HPD: variants seen among roughly 807,000 people sequenced by gnomAD.
HPD encodes the protein 4-hydroxyphenylpyruvate dioxygenase.
Under a neutral mutation model 56.9 loss-of-function variants are expected in HPD, and 35 were observed. The observed-to-expected ratio is 0.62, with a 90% CI of 0.47 to 0.82. The LOEUF (loss-of-function observed/expected upper bound fraction) is 0.82, where lower values mean the gene tolerates loss of function less well. Ranked by LOEUF, HPD falls within the 40% of genes least tolerant of loss-of-function variation. HPD has a pLI of 0.00. For synonymous variants in HPD, 186 were observed against 200.2 expected (o/e 0.93, Z 0.60); for missense variants, 442 against 506.8 (o/e 0.87, Z 1.23).
At chr12:121,852,332 A>G (rs1357567404) in intron 7 of HPD, among the ~76,000 whole-genome samples, 2 of 150,738 alleles carry the variant, frequency 1.3e-5, no homozygotes, top group Non-Finnish European at 3.0e-5. Context: ...TTTATTTTTT[A>G]TTTGTATTTT....
At chr12:121,884,443 G>A in the HPD span, among the ~76,000 whole-genome samples, 1 of 151,958 alleles carries the variant, frequency 6.6e-6, no homozygotes, top group Non-Finnish European at 1.5e-5. Flanking sequence ...GATTACGGGC[G>A]TGAACCATCA....
At chr12:121,884,324 G>A in the HPD span, among the ~76,000 whole-genome samples, 3 of 151,914 alleles carry the variant, frequency 2.0e-5, no homozygotes, top group East Asian at 3.9e-4. Context: ...CGCTGTGCCC[G>A]GCTGATTTTT....
At chr12:121,846,517 C>G (rs1877588877) in intron 11 of HPD, among the ~76,000 whole-genome samples, 1 of 152,122 alleles carries the variant, frequency 6.6e-6, no homozygotes, top group Admixed American at 6.6e-5. Flanking sequence ...GTGCCCGGCC[C>G]TAATTTCCTG....
the HPD span, among the ~76,000 whole-genome samples, chr12:121,872,109 G>A: frequency 6.7e-6 from 1 of 150,162 alleles, no homozygotes; most frequent in Non-Finnish European, 1.5e-5. Context: ...GCGTGGTGGT[G>A]GGCACCTGTA....
chr12:121,856,860 A>G, intron 4 of HPD: 1 of 586,390 alleles, frequency 1.7e-6, no homozygotes, highest in Non-Finnish European at 3.0e-6. Flanking sequence ...TCCCTCGGGG[A>G]GAGAACTCCA....
chr12:121,865,094 C>G (rs997910140), upstream of HPD, among the ~76,000 whole-genome samples: 2 of 151,922 alleles, frequency 1.3e-5, no homozygotes, highest in Non-Finnish European at 2.9e-5. Flanking sequence ...ATGGTGAAAC[C>G]CCGTCTCTAC....
At chr12:121,886,318 C>T in the HPD span, among the ~76,000 whole-genome samples, 1 of 151,360 alleles carries the variant, frequency 6.6e-6, no homozygotes, top group African/African-American at 2.4e-5. Context: ...CCGTGTTAGC[C>T]AGGATGGTCT....
At chr12:121,862,596 CTTTTTTTT>C (rs146807602), upstream of HPD, among the ~76,000 whole-genome samples, 2 of 43,068 alleles carry the variant, frequency 4.6e-5, no homozygotes, top group African/African-American at 2.8e-4. Flanking sequence ...CGCTCTCGGC[CTTTTTTTT>C]TTTTTTTTTT....
chr12:121,845,207 C>T (rs1480133969), intron 11 of HPD, among the ~76,000 whole-genome samples: 1 of 149,802 alleles, frequency 6.7e-6, no homozygotes, highest in Non-Finnish European at 1.5e-5. Context: ...TCAACCTCCC[C>T]AGGCTCAGCT....
intron 9 of HPD, among the ~76,000 whole-genome samples, chr12:121,847,501 G>T (rs541428138): frequency 1.3e-5 from 2 of 152,090 alleles, no homozygotes; most frequent in South Asian, 4.1e-4. Context: ...TGGGACTACA[G>T]GCATGTGCTA....
chr12:121,865,255 G>A (rs373088210), upstream of HPD, among the ~76,000 whole-genome samples: 105 of 116,114 alleles, frequency 9.0e-4, 1 homozygote, highest in African/African-American at 3.6e-3. Flanking sequence ...GCGACACAGC[G>A]ACACTCTCTT....
the HPD span, among the ~76,000 whole-genome samples, chr12:121,873,777 G>A: frequency 3.3e-5 from 5 of 149,288 alleles, no homozygotes; most frequent in African/African-American, 9.9e-5. Flanking sequence ...CCGAGATCGC[G>A]CCACTGCACT....
chr12:121,874,765 CT>C, the HPD span, among the ~76,000 whole-genome samples: 66,919 of 146,154 alleles, frequency 0.46, 15,380 homozygotes, highest in African/African-American at 0.54. Context: ...TTGTCACTTT[CT>C]TTTTTTTTTT....
At chr12:121,879,777 C>G in the HPD span, among the ~76,000 whole-genome samples, 1 of 152,142 alleles carries the variant, frequency 6.6e-6, no homozygotes, top group Non-Finnish European at 1.5e-5. Flanking sequence ...TTTACATATA[C>G]TTTGTAAACA....
chr12:121,856,398 C>T lies in HPD; in HGVS notation c.250G>A (p.Asp84Asn), dbSNP rs760347092. Reference protein sequence around the residue: ...ALNPWNKEMGDHLVKHGDGVK... With the variant: ...ALNPWNKEMGNHLVKHGDGVK... ...CCGTCACCGTGTTTCACCAGGTGAT[C>T]GCCCATCTCTGTGGCCGGCAGGGAG... Residue 84 changes from aspartate (D) to asparagine (N), a missense_variant, in exon 6 of 14, where the codon GAT (aspartate) becomes AAT (asparagine). Coordinates refer to ENST00000289004, the MANE Select transcript of HPD (RefSeq NM_002150.3). 3.1e-6 allele frequency: 5 copies of T among 1,613,894 alleles called. No individual in the cohort carries two copies. The highest frequency in any genetic ancestry group is 2.2e-5 in the East Asian group (1 of 44,890).
intron 6 of HPD, among the ~76,000 whole-genome samples, chr12:121,855,842 T>C (rs11613865): frequency 0.5 from 76,234 of 151,462 alleles, 19,493 homozygotes; most frequent in East Asian, 0.79. Flanking sequence ...TGGTGGCGCA[T>C]GCCTGTAATC....
chr12:121,850,534 C>T (rs1192147588), intron 7 of HPD, among the ~76,000 whole-genome samples: 1 of 141,032 alleles, frequency 7.1e-6, no homozygotes, highest in Non-Finnish European at 1.5e-5. Flanking sequence ...AGTGCATTGG[C>T]ACGATCTCGG....
intron 7 of HPD, among the ~76,000 whole-genome samples, chr12:121,854,393 T>C (rs1486384579): frequency 6.6e-6 from 1 of 152,196 alleles, no homozygotes; most frequent in Middle Eastern, 3.2e-3. Context: ...TACAGTAATA[T>C]GCCCAAAGTC....
chr12:121,863,362 C>G (rs1878235247), upstream of HPD, among the ~76,000 whole-genome samples: 1 of 152,230 alleles, frequency 6.6e-6, no homozygotes, highest in Non-Finnish European at 1.5e-5. Context: ...GGGTACATCA[C>G]AGGGACCGTG....
Sources: allele counts gnomAD v4.1 joint callset (sites outside exome capture counted in the v4.1 genomes callset), GRCh38; gene constraint gnomAD v4.1.1; transcripts MANE v1.5; gene names NCBI Gene and HGNC (gene_info 2026-07-23, HGNC 2026-07-21).